The following SUGCT variants were observed in gnomAD, a reference collection of about 807,000 sequenced individuals.
SUGCT encodes the protein succinyl-CoA:glutarate CoA-transferase.
Under a neutral mutation model 55.0 loss-of-function variants are expected in SUGCT, and 41 were observed. The observed-to-expected ratio is 0.74, with a 90% CI of 0.58 to 0.97. SUGCT has a LOEUF of 0.97. Among genes scored for constraint, SUGCT ranks in the 50% least tolerant of loss-of-function variants. The pLI is 0.00. For synonymous variants in SUGCT, 187 were observed against 200.4 expected (o/e 0.93, Z 0.56); for missense variants, 568 against 547.8 (o/e 1.04, Z -0.37).
In SUGCT at chr7:40,555,021, A is replaced by G. The variant is rs143848744; in HGVS notation, c.1089+58635A>G. 2.9e-3 allele frequency among the ~76,000 whole-genome samples: 443 copies of G among 152,324 alleles called. 2 individuals are homozygous for G. Among genetic ancestry groups the G allele is most frequent in the African/African-American group, 9.8e-3 (408 of 41,572 alleles). On this transcript the variant is annotated intron_variant, in intron 12 of 13. Coordinates refer to ENST00000335693, the MANE Select transcript of SUGCT (RefSeq NM_001193313.2). ...TCCTTCATAAACTATACTTTAATAT[A>G]TTAATGGTCACTGCTCAACAGTTTT...
At chr7:40,496,242 T>C (rs1331869663) in intron 11 of SUGCT, 42 bp from the exon 12 acceptor site, 2 of 1,332,404 alleles carry the variant, frequency 1.5e-6, no homozygotes, top group African/African-American at 2.9e-5. Context: ...CTGTGTTACA[T>C]TCCTTCCTGT....
chr7:40,488,605 A>G lies in SUGCT; in HGVS notation c.987-7679A>G, dbSNP rs535777776. The stretch of plus-strand genomic sequence containing the variant: ...TTCAGATTTTTCATATTACTCACTC[A>G]TGTCCTTTTCTTTCAGCTTGAAGAA... On this transcript the variant is annotated intron_variant, in intron 11 of 13. Transcript: ENST00000335693. Among the ~76,000 whole-genome samples the G allele has an allele frequency of 6.6e-5, 10 of 152,280 alleles. No homozygotes were observed. In the South Asian group the frequency reaches 1.9e-3, roughly 28 times the overall value.
chr7:40,794,794 C>T (rs776029233), intron 13 of SUGCT, among the ~76,000 whole-genome samples: 6 of 151,860 alleles, frequency 4.0e-5, no homozygotes, highest in Admixed American at 6.6e-5. Flanking sequence ...TGTCCTGCGT[C>T]GAGAAGATAT....
chr7:40,905,705 AT>A, the SUGCT span, among the ~76,000 whole-genome samples: 14 of 149,306 alleles, frequency 9.4e-5, no homozygotes, highest in East Asian at 2.0e-4. Flanking sequence ...ACCATTTTAA[AT>A]TTTTTTTTTC....
Position 40,237,714 on chromosome 7 carries a change from C to T in SUGCT, c.564C>T (p.Ile188=). The change falls in exon 7 of 14, where the codon ATC becomes ATT. Residue 188 remains isoleucine (I), a synonymous_variant. Transcript: ENST00000335693. ...VASAVSGLMH[I]TGPENGDPVR... ...CGGCTGTTTCTGGTCTGATGCACAT[C>T]ACAGGGCCTGAGGTAGGTATCCTTC... 3 of 1,613,544 alleles carry T rather than the reference C, an allele frequency of 1.9e-6. No homozygotes were observed. The highest frequency in any genetic ancestry group is 1.1e-5 in the South Asian group (1 of 91,072).
chr7:41,032,320 A>T, the SUGCT span, among the ~76,000 whole-genome samples: 1 of 151,970 alleles, frequency 6.6e-6, no homozygotes, highest in Non-Finnish European at 1.5e-5. Flanking sequence ...TAAAAATAAA[A>T]GCTACATTTC....
chr7:40,895,171 T>C, the SUGCT span, among the ~76,000 whole-genome samples: 1 of 152,162 alleles, frequency 6.6e-6, no homozygotes, highest in South Asian at 2.1e-4. Flanking sequence ...GCAACATAGA[T>C]GGAGCTGGAG....
chr7:40,835,133 G>A (rs1792895519), intron 13 of SUGCT, among the ~76,000 whole-genome samples: 1 of 152,200 alleles, frequency 6.6e-6, no homozygotes, highest in Non-Finnish European at 1.5e-5. Context: ...CTGAGGAACT[G>A]AATTTTAGTT....
At position 40,285,064 on chromosome 7, in the gene SUGCT, A is replaced by G. The variant is rs182446070; in HGVS notation, c.720+10408A>G. Among the ~76,000 whole-genome samples, 461 of 152,324 alleles carry G rather than the reference A, an allele frequency of 3.0e-3. 2 individuals are homozygous for G. The highest frequency in any genetic ancestry group is 0.017 in the Middle Eastern group (5 of 294). On this transcript the variant is annotated intron_variant, in intron 8 of 13. Transcript: ENST00000335693. The stretch of plus-strand genomic sequence containing the variant: ...CTTCAACTTGTGATAATTGATAATT[A>G]CTAGTGGGAGAATATCCCAAAGGAA...
intron 8 of SUGCT, among the ~76,000 whole-genome samples, chr7:40,283,705 C>G (rs1268552742): frequency 6.6e-6 from 1 of 151,912 alleles, no homozygotes; most frequent in Non-Finnish European, 1.5e-5. Flanking sequence ...AAAAAGGAAC[C>G]CTTACACACT....
chr7:40,254,806 CT>C (rs1036456727), intron 7 of SUGCT, among the ~76,000 whole-genome samples: 1 of 151,806 alleles, frequency 6.6e-6, no homozygotes, highest in Non-Finnish European at 1.5e-5. Flanking sequence ...TAAAATGTAC[CT>C]TTTTTTATAA....
chr7:40,724,030 G>A (rs1584340172), intron 12 of SUGCT, among the ~76,000 whole-genome samples: 1 of 152,140 alleles, frequency 6.6e-6, no homozygotes, highest in African/African-American at 2.4e-5. Context: ...GAAAAAATGA[G>A]ACCAGACATC....
At chr7:40,306,654 T>C (rs1794865957) in intron 8 of SUGCT, among the ~76,000 whole-genome samples, 1 of 152,184 alleles carries the variant, frequency 6.6e-6, no homozygotes. Flanking sequence ...ATCTAAAATG[T>C]AAAAAAGTAT....
downstream of SUGCT, among the ~76,000 whole-genome samples, chr7:40,864,323 A>G (rs1156583559): frequency 1.3e-5 from 2 of 152,078 alleles, no homozygotes; most frequent in African/African-American, 4.8e-5. Flanking sequence ...CTGCCCAGCT[A>G]ATTTTGTATT....
At chr7:40,856,420 T>G (rs1794170637) in intron 13 of SUGCT, among the ~76,000 whole-genome samples, 1 of 152,208 alleles carries the variant, frequency 6.6e-6, no homozygotes, top group Non-Finnish European at 1.5e-5. Flanking sequence ...GGATAAATCT[T>G]TCTAATATTT....
chr7:40,710,709 TGAGTG>T (rs1785665251), intron 12 of SUGCT, among the ~76,000 whole-genome samples: 1 of 152,192 alleles, frequency 6.6e-6, no homozygotes, highest in Non-Finnish European at 1.5e-5. Context: ...TAATTTTATT[TGAGTG>T]GAGAGCCCAG....
At chr7:40,635,329 G>A (rs1438337343) in intron 12 of SUGCT, among the ~76,000 whole-genome samples, 1 of 151,838 alleles carries the variant, frequency 6.6e-6, no homozygotes, top group Non-Finnish European at 1.5e-5. Context: ...AAAACACATA[G>A]GGATTGAGTC....
chr7:40,395,128 G>C (rs1583589184), intron 9 of SUGCT, among the ~76,000 whole-genome samples: 1 of 152,096 alleles, frequency 6.6e-6, no homozygotes. Flanking sequence ...GTTTGCTCTG[G>C]ATCCTTGCTG....
At chr7:40,231,471 A>G (rs1212260411) in intron 6 of SUGCT, among the ~76,000 whole-genome samples, 5 of 152,206 alleles carry the variant, frequency 3.3e-5, no homozygotes, top group Non-Finnish European at 7.3e-5. Context: ...ATAAAATGCT[A>G]GAGAATTCCT....
Sources: allele counts gnomAD v4.1 joint callset (sites outside exome capture counted in the v4.1 genomes callset), GRCh38; gene constraint gnomAD v4.1.1; transcripts MANE v1.5; gene names NCBI Gene and HGNC (gene_info 2026-07-23, HGNC 2026-07-21).